BANK1: variants seen among roughly 807,000 people sequenced by gnomAD.
BANK1 encodes B cell scaffold protein with ankyrin repeats 1, also known as B-cell scaffold protein with ankyrin repeats.
In BANK1, 95 loss-of-function variants were observed where a neutral mutation model predicts 94.5. That is an observed-to-expected ratio of 1.00 (90% CI 0.85 to 1.19). The LOEUF (loss-of-function observed/expected upper bound fraction) is 1.19, where lower values mean the gene tolerates loss of function less well. BANK1 is among the 50% of genes most tolerant of loss of function. The probability of loss-of-function intolerance (pLI) is 0.00; values close to 1 mark genes in which losing one functional copy is unlikely to be tolerated. For synonymous variants in BANK1, 334 were observed against 308.4 expected (o/e 1.08, Z -0.87); for missense variants, 987 against 932.2 (o/e 1.06, Z -0.77).
At chr4:101,945,852 A>T (rs977301650) in intron 7 of BANK1, among the ~76,000 whole-genome samples, 2 of 151,994 alleles carry the variant, frequency 1.3e-5, no homozygotes, top group African/African-American at 4.8e-5. Flanking sequence ...ATCAGGACAT[A>T]TACTACATAC....
intron 7 of BANK1, among the ~76,000 whole-genome samples, chr4:101,958,098 G>A (rs1473499781): frequency 2.6e-5 from 4 of 152,044 alleles, no homozygotes; most frequent in Non-Finnish European, 4.4e-5. Context: ...TGCCCACCTC[G>A]GCCTCCCAAA....
intron 5 of BANK1, among the ~76,000 whole-genome samples, chr4:101,886,426 A>G (rs1484101616): frequency 6.6e-6 from 1 of 152,204 alleles, no homozygotes; most frequent in Non-Finnish European, 1.5e-5. Context: ...CTGGCTCCCA[A>G]AACAAACTAA....
At chr4:101,793,434 T>G (rs1031048772) in intron 1 of BANK1, among the ~76,000 whole-genome samples, 16 of 152,200 alleles carry the variant, frequency 1.1e-4, no homozygotes, top group African/African-American at 3.9e-4. Flanking sequence ...AAGGAGTGCT[T>G]TCAGGATATC....
intron 12 of BANK1, chr4:102,062,193 A>G (rs1728440879): frequency 6.6e-6 from 1 of 152,242 alleles, no homozygotes; most frequent in Non-Finnish European, 1.5e-5. Flanking sequence ...CTAGGAAACT[A>G]AGAAAAAAAT....
intron 10 of BANK1, among the ~76,000 whole-genome samples, chr4:102,041,839 G>C (rs1467754419): frequency 1.3e-5 from 2 of 151,908 alleles, no homozygotes; most frequent in Admixed American, 1.3e-4. Context: ...AACATTTACT[G>C]TTATTTCACA....
intron 11 of BANK1, among the ~76,000 whole-genome samples, chr4:102,053,394 T>TA (rs1278811995): frequency 1.3e-5 from 2 of 152,122 alleles, no homozygotes; most frequent in African/African-American, 2.4e-5. Context: ...TACTTTAACT[T>TA]ACATTTTCTA....
At chr4:101,847,734 CAT>C (rs1160018083) in intron 2 of BANK1, among the ~76,000 whole-genome samples, 7 of 88,254 alleles carry the variant, frequency 7.9e-5, no homozygotes, top group South Asian at 5.4e-4. Flanking sequence ...AGTATTCCAT[CAT>C]ACACACACAC....
intron 11 of BANK1, among the ~76,000 whole-genome samples, chr4:102,058,339 T>G (rs2148962730): frequency 6.6e-6 from 1 of 152,262 alleles, no homozygotes; most frequent in South Asian, 2.1e-4. Flanking sequence ...TTAAAAACTG[T>G]AGTTTACCTT....
At chr4:101,825,783 A>G (rs1215789953) in intron 1 of BANK1, among the ~76,000 whole-genome samples, 1 of 152,098 alleles carries the variant, frequency 6.6e-6, no homozygotes, top group Non-Finnish European at 1.5e-5. Context: ...TTGATGTCAA[A>G]TTCAGGTTTT....
intron 7 of BANK1, among the ~76,000 whole-genome samples, chr4:101,987,675 A>C (rs975106569): frequency 6.6e-6 from 1 of 152,150 alleles, no homozygotes; most frequent in African/African-American, 2.4e-5. Flanking sequence ...TCCTCTGTTC[A>C]TGACAAATAT....
At chr4:101,793,728 C>T (rs568155995) in intron 1 of BANK1, among the ~76,000 whole-genome samples, 2 of 152,040 alleles carry the variant, frequency 1.3e-5, no homozygotes, top group East Asian at 1.9e-4. Flanking sequence ...AAGCAAAATC[C>T]AAGAGAAGAA....
intron 10 of BANK1, among the ~76,000 whole-genome samples, chr4:102,043,561 A>G (rs1290789799): frequency 1.3e-5 from 2 of 152,040 alleles, no homozygotes; most frequent in Non-Finnish European, 2.9e-5. Context: ...TTCTTACCTG[A>G]TATCAAAATG....
chr4:101,821,575 AG>A (rs1331911643), intron 1 of BANK1, among the ~76,000 whole-genome samples: 1 of 151,852 alleles, frequency 6.6e-6, no homozygotes, highest in Non-Finnish European at 1.5e-5. Flanking sequence ...GGGTTTTTGT[AG>A]TTTTGGGTTT....
intron 6 of BANK1, among the ~76,000 whole-genome samples, chr4:101,899,377 C>T (rs1363144846): frequency 6.6e-6 from 1 of 151,950 alleles, no homozygotes; most frequent in Non-Finnish European, 1.5e-5. Flanking sequence ...ATAGATTTTT[C>T]CACTCCATTT....
intron 5 of BANK1, among the ~76,000 whole-genome samples, chr4:101,879,925 TAGG>T (rs1728616318): frequency 6.6e-6 from 1 of 152,034 alleles, no homozygotes; most frequent in African/African-American, 2.4e-5. Flanking sequence ...AAACTGGGGA[TAGG>T]AGGAACATAC....
intron 7 of BANK1, among the ~76,000 whole-genome samples, chr4:101,945,861 AC>A (rs1207423787): frequency 2.0e-5 from 3 of 151,766 alleles, no homozygotes. Flanking sequence ...TATACTACAT[AC>A]CCCCCAATCA....
intron 6 of BANK1, among the ~76,000 whole-genome samples, chr4:101,910,714 A>AC (rs1722637094): frequency 6.7e-6 from 1 of 150,252 alleles, no homozygotes. Flanking sequence ...AAAAAAAAAA[A>AC]CCATGGGTGC....
intron 1 of BANK1, among the ~76,000 whole-genome samples, chr4:101,826,792 A>AC (rs1445954777): frequency 6.6e-6 from 1 of 151,988 alleles, no homozygotes; most frequent in African/African-American, 2.4e-5. Context: ...ATGTAAAAAA[A>AC]AGTTGTTGAA....
At chr4:102,042,265 A>G (rs1217329315) in intron 10 of BANK1, among the ~76,000 whole-genome samples, 1 of 152,098 alleles carries the variant, frequency 6.6e-6, no homozygotes, top group Non-Finnish European at 1.5e-5. Context: ...CATACATTAT[A>G]TATTCCTCAA....
Sources: gnomAD v4.1 joint callset for allele counts (sites outside exome capture counted in the v4.1 genomes callset) on GRCh38, gnomAD v4.1.1 for gene constraint, MANE v1.5 for transcripts, NCBI Gene and HGNC (gene_info 2026-07-23, HGNC 2026-07-21) for gene names.